The following NRG3 variants were observed in gnomAD, a reference collection of about 807,000 sequenced individuals.
NRG3 encodes the protein pro-neuregulin-3, membrane-bound isoform.
A neutral mutation model predicts 66.9 loss-of-function variants in NRG3; 31 were observed. The observed-to-expected ratio is 0.46, with a 90% CI of 0.35 to 0.63. The LOEUF (loss-of-function observed/expected upper bound fraction) is 0.63. NRG3 is among the 20% of genes least tolerant of loss of function. The pLI is 0.00. For missense variants in NRG3, 910 were observed against 878.9 expected, an observed-to-expected ratio of 1.04 and a Z score of -0.45; for synonymous variants, 393 against 359.4, an observed-to-expected ratio of 1.09 and a Z score of -1.06.
chr10:81,905,347 C>T (rs989794352), intron 1 of NRG3, among the ~76,000 whole-genome samples: 24 of 152,202 alleles, frequency 1.6e-4, no homozygotes, highest in African/African-American at 5.3e-4. Flanking sequence ...GTTTGTAGAA[C>T]GTGTTCTAAC....
chr10:82,692,236 A>C (rs2054991184), intron 2 of NRG3, among the ~76,000 whole-genome samples: 1 of 144,708 alleles, frequency 6.9e-6, no homozygotes, highest in Non-Finnish European at 1.5e-5. Context: ...TGGGTGACAG[A>C]GTGAGATTCC....
chr10:82,519,505 A>G (rs1845996806), intron 2 of NRG3, among the ~76,000 whole-genome samples: 1 of 152,124 alleles, frequency 6.6e-6, no homozygotes, highest in Non-Finnish European at 1.5e-5. Flanking sequence ...TATTTAAACC[A>G]TGACTTTCTT....
intron 1 of NRG3, among the ~76,000 whole-genome samples, chr10:82,248,794 CTTAG>C (rs1440486274): frequency 6.6e-6 from 1 of 152,144 alleles, no homozygotes; most frequent in Non-Finnish European, 1.5e-5. Flanking sequence ...TAAAACAAAG[CTTAG>C]TTTATGTTAC....
At chr10:82,818,436 A>G (rs1428046271) in intron 3 of NRG3, among the ~76,000 whole-genome samples, 3 of 152,150 alleles carry the variant, frequency 2.0e-5, no homozygotes, top group Non-Finnish European at 4.4e-5. Context: ...AAGGAAAAGA[A>G]GACAGGAGGA....
intron 3 of NRG3, among the ~76,000 whole-genome samples, chr10:82,842,224 CT>C (rs1258057818): frequency 6.6e-6 from 1 of 152,126 alleles, no homozygotes; most frequent in East Asian, 1.9e-4. Flanking sequence ...GCACTCCAGC[CT>C]GGGCAACAAA....
rs756847812 is a variant in NRG3 at position 81,875,556 on chromosome 10, G to A, written c.216G>A (p.Leu72=). ...AGACGTGGCTGTGCGTGGTACCTCT[G>A]TTCATCGGCTTCATCGGCCTGGGGC... ...RQQTWLCVVP[L]FIGFIGLGLS... The change falls in exon 1 of 9, where the codon CTG becomes CTA. Residue 72 remains leucine (L), a synonymous_variant. Coordinates refer to ENST00000372141, the MANE Select transcript of NRG3 (RefSeq NM_001010848.4). This position sits in a 1 kb window ranked among gnomAD's most constrained non-coding sequence, Gnocchi z 5.3. 6.2e-7 allele frequency: 1 copy of A among 1,613,308 alleles called. No homozygotes were observed. Among genetic ancestry groups the A allele is most frequent in the South Asian group, 1.1e-5 (1 of 91,086 alleles).
intron 2 of NRG3, among the ~76,000 whole-genome samples, chr10:82,701,122 G>T (rs1035975655): frequency 6.6e-6 from 1 of 152,048 alleles, no homozygotes; most frequent in Non-Finnish European, 1.5e-5. Flanking sequence ...TATAACAATT[G>T]TATATATTTT....
Position 81,994,379 on chromosome 10 carries a change from A to G in NRG3, c.823+118216A>G, listed in dbSNP as rs553660010. Among the ~76,000 whole-genome samples, 8 of 152,210 alleles carry G rather than the reference A, an allele frequency of 5.3e-5. No homozygotes were observed. In the East Asian group the frequency reaches 5.8e-4, roughly 11 times the overall value. ...AAACATCTGTTTGAAAGTTTAAATA[A>G]GATATTGTGTTAAGCTGAAAGGTAA... On this transcript the variant is annotated intron_variant, in intron 1 of 8. Coordinates refer to ENST00000372141, the MANE Select transcript of NRG3 (RefSeq NM_001010848.4).
chr10:82,674,669 T>C (rs2053538590), intron 2 of NRG3, among the ~76,000 whole-genome samples: 1 of 152,214 alleles, frequency 6.6e-6, no homozygotes, highest in East Asian at 1.9e-4. Context: ...AGCATCAGTT[T>C]CCAGGGAAGT....
At chr10:82,865,958 A>G (rs1840688926) in intron 4 of NRG3, among the ~76,000 whole-genome samples, 1 of 152,182 alleles carries the variant, frequency 6.6e-6, no homozygotes, top group Non-Finnish European at 1.5e-5. Context: ...TCACAAAATT[A>G]AAATGTTTCC....
chr10:82,675,279 TG>T (rs1565191164), intron 2 of NRG3, among the ~76,000 whole-genome samples: 1 of 152,054 alleles, frequency 6.6e-6, no homozygotes, highest in East Asian at 1.9e-4. Flanking sequence ...AAAGATTGTT[TG>T]GGGGAAGTGA....
chr10:82,458,612 T>G (rs918310629), intron 2 of NRG3, among the ~76,000 whole-genome samples: 2 of 152,184 alleles, frequency 1.3e-5, no homozygotes, highest in African/African-American at 4.8e-5. Flanking sequence ...TCGCTCTGTC[T>G]CTCAAGAAGG....
At chr10:82,243,123 A>G (rs1381079144) in intron 1 of NRG3, among the ~76,000 whole-genome samples, 1 of 152,210 alleles carries the variant, frequency 6.6e-6, no homozygotes, top group Non-Finnish European at 1.5e-5. Context: ...TTTCCTTCAT[A>G]CAACTTTTAC....
At chr10:82,622,400 C>A (rs1447712777) in intron 2 of NRG3, among the ~76,000 whole-genome samples, 1 of 152,080 alleles carries the variant, frequency 6.6e-6, no homozygotes. Context: ...AAATCATTTA[C>A]CCAGATGTGT....
At chr10:82,618,698 GA>G (rs767677731) in intron 2 of NRG3, among the ~76,000 whole-genome samples, 9 of 151,816 alleles carry the variant, frequency 5.9e-5, no homozygotes, top group South Asian at 2.1e-4. Flanking sequence ...AAACTTTACA[GA>G]AATTGTTAAA....
At chr10:82,293,367 C>G (rs2079855093) in intron 1 of NRG3, among the ~76,000 whole-genome samples, 1 of 152,106 alleles carries the variant, frequency 6.6e-6, no homozygotes, top group Non-Finnish European at 1.5e-5. Flanking sequence ...ATTCTAAAAA[C>G]TTATCTCTAG....
intron 1 of NRG3, among the ~76,000 whole-genome samples, chr10:82,141,603 C>T (rs1812031370): frequency 6.6e-6 from 1 of 151,938 alleles, no homozygotes; most frequent in African/African-American, 2.4e-5. Flanking sequence ...TGTGAAGCAG[C>T]ATTGTAGTAT....
chr10:82,235,997 C>T (rs143618755), intron 1 of NRG3, among the ~76,000 whole-genome samples: 16 of 152,060 alleles, frequency 1.1e-4, no homozygotes, highest in African/African-American at 3.9e-4. Flanking sequence ...CACACACACA[C>T]AGACACAGAC....
In NRG3 at chr10:82,234,056, C is replaced by T. The variant is rs546302810; in HGVS notation, c.824-124683C>T. On this transcript the variant is annotated intron_variant, in intron 1 of 8. Transcript: ENST00000372141. The stretch of plus-strand genomic sequence containing the variant: ...TTTTGATTAATATTGGTAAAACAAA[C>T]GACAATCACTCCCCGGCTCAAAACC... 3.9e-5 allele frequency among the ~76,000 whole-genome samples: 6 copies of T among 152,224 alleles called. No individual in the cohort carries two copies. The South Asian group carries it at 6.2e-4, about 16-fold the overall frequency.
Sources: allele counts gnomAD v4.1 joint callset (sites outside exome capture counted in the v4.1 genomes callset), GRCh38; gene constraint gnomAD v4.1.1; non-coding constraint Gnocchi (gnomAD v3.1); transcripts MANE v1.5; gene names NCBI Gene and HGNC (gene_info 2026-07-23, HGNC 2026-07-21).